CLDN10: variants seen among roughly 807,000 people sequenced by gnomAD.
CLDN10 encodes the protein claudin-10.
CLDN10 carries 15 observed loss-of-function variants against 22.9 expected under a neutral mutation model. The ratio of observed to expected loss-of-function variants is 0.65; its 90% CI spans 0.44 to 1.01. The LOEUF is 1.01. Among genes scored for constraint, CLDN10 ranks in the 50% least tolerant of loss-of-function variants. The probability of loss-of-function intolerance (pLI) is 0.00; values close to 1 mark genes in which losing one functional copy is unlikely to be tolerated. For missense variants in CLDN10, 247 were observed against 287.8 expected, an observed-to-expected ratio of 0.86 and a Z score of 1.03; for synonymous variants, 114 against 111.4, an observed-to-expected ratio of 1.02 and a Z score of -0.15.
intron 1 of CLDN10, among the ~76,000 whole-genome samples, chr13:95,524,660 TG>T (rs1464686653): frequency 2.0e-5 from 3 of 152,134 alleles, no homozygotes; most frequent in African/African-American, 7.2e-5. Context: ...TCAATTACCT[TG>T]GATATATACC....
At chr13:95,504,066 C>G (rs1277422011) in intron 1 of CLDN10, among the ~76,000 whole-genome samples, 1 of 152,138 alleles carries the variant, frequency 6.6e-6, no homozygotes, top group African/African-American at 2.4e-5. Flanking sequence ...AAAATGCACA[C>G]CTTAAAATAT....
At chr13:95,475,557 G>A (rs1184164126) in intron 1 of CLDN10, among the ~76,000 whole-genome samples, 3 of 152,230 alleles carry the variant, frequency 2.0e-5, no homozygotes, top group Admixed American at 2.0e-4. Flanking sequence ...CCAAGGGAGG[G>A]AAGTGGCCAG....
intron 1 of CLDN10, among the ~76,000 whole-genome samples, chr13:95,556,293 G>T (rs1459166090): frequency 1.3e-5 from 2 of 152,054 alleles, no homozygotes; most frequent in Non-Finnish European, 2.9e-5. Context: ...TGATCTGCCC[G>T]CCTCTGCCTC....
chr13:95,442,593 C>T (rs1431310318), intron 1 of CLDN10, among the ~76,000 whole-genome samples: 5 of 152,176 alleles, frequency 3.3e-5, no homozygotes, highest in Admixed American at 2.0e-4. Flanking sequence ...GGAGAAAAGG[C>T]CCCCTTTGGG....
At chr13:95,513,696 C>T (rs1594578410) in intron 1 of CLDN10, among the ~76,000 whole-genome samples, 1 of 142,046 alleles carries the variant, frequency 7.0e-6, no homozygotes, top group African/African-American at 2.5e-5. Context: ...TTCATAGATA[C>T]ATATTGGATA....
At chr13:95,469,264 TG>T (rs756814101) in intron 1 of CLDN10, among the ~76,000 whole-genome samples, 50 of 152,316 alleles carry the variant, frequency 3.3e-4, no homozygotes, top group Non-Finnish European at 6.0e-4. Flanking sequence ...GCAGAAATGA[TG>T]TGCCATGGAG....
At chr13:95,448,303 C>T (rs1200861918) in intron 1 of CLDN10, among the ~76,000 whole-genome samples, 1 of 151,966 alleles carries the variant, frequency 6.6e-6, no homozygotes, top group African/African-American at 2.4e-5. Context: ...CAGCCATTTG[C>T]CATGCAATCA....
intron 1 of CLDN10, among the ~76,000 whole-genome samples, chr13:95,481,355 C>A (rs756020438): frequency 2.0e-5 from 3 of 152,222 alleles, no homozygotes; most frequent in Non-Finnish European, 4.4e-5. Flanking sequence ...ATTTCTCCAA[C>A]ATTCATGGGA....
At chr13:95,444,925 A>T (rs897016334) in intron 1 of CLDN10, among the ~76,000 whole-genome samples, 1 of 152,140 alleles carries the variant, frequency 6.6e-6, no homozygotes, top group Admixed American at 6.5e-5. Flanking sequence ...ACAGATGTGC[A>T]TCACCATTCC....
At chr13:95,490,376 T>C (rs990934602) in intron 1 of CLDN10, among the ~76,000 whole-genome samples, 1 of 152,204 alleles carries the variant, frequency 6.6e-6, no homozygotes, top group Non-Finnish European at 1.5e-5. Flanking sequence ...CATTTGTTTG[T>C]GTCATCTATG....
At chr13:95,508,015 G>A (rs1248769987) in intron 1 of CLDN10, among the ~76,000 whole-genome samples, 2 of 152,130 alleles carry the variant, frequency 1.3e-5, no homozygotes, top group African/African-American at 4.8e-5. Flanking sequence ...TTGAGCCCAG[G>A]AGGTGGAGGC....
chr13:95,494,311 C>T (rs2042905627), intron 1 of CLDN10, among the ~76,000 whole-genome samples: 1 of 152,124 alleles, frequency 6.6e-6, no homozygotes, highest in Non-Finnish European at 1.5e-5. Flanking sequence ...TTGCTAAATC[C>T]AGTTGGTATT....
chr13:95,499,783 G>A (rs949124639), intron 1 of CLDN10, among the ~76,000 whole-genome samples: 3 of 152,178 alleles, frequency 2.0e-5, no homozygotes, highest in African/African-American at 2.4e-5. Context: ...AGCCTGACAC[G>A]TTGGGAAGGG....
At chr13:95,480,831 T>C (rs1168458523) in intron 1 of CLDN10, among the ~76,000 whole-genome samples, 1 of 152,222 alleles carries the variant, frequency 6.6e-6, no homozygotes, top group African/African-American at 2.4e-5. Flanking sequence ...TAAGCTATGT[T>C]GAAATACTTA....
At chr13:95,521,999 A>G (rs572932362) in intron 1 of CLDN10, among the ~76,000 whole-genome samples, 77 of 152,136 alleles carry the variant, frequency 5.1e-4, no homozygotes, top group African/African-American at 1.7e-3. Flanking sequence ...TGCAGGATCT[A>G]CACTGATGCC....
intron 1 of CLDN10, among the ~76,000 whole-genome samples, chr13:95,526,449 A>T (rs1327788559): frequency 6.6e-6 from 1 of 152,168 alleles, no homozygotes; most frequent in Admixed American, 6.5e-5. Context: ...CTTCAATGTC[A>T]GTATCTTTAA....
chr13:95,492,450 G>A (rs4409957), intron 1 of CLDN10, among the ~76,000 whole-genome samples: 69,531 of 151,664 alleles, frequency 0.46, 16,713 homozygotes, highest in Non-Finnish European at 0.52. Flanking sequence ...AGTTGGGGAA[G>A]GCTGGCAATC....
intron 1 of CLDN10, among the ~76,000 whole-genome samples, chr13:95,507,895 T>G (rs1402944720): frequency 6.6e-6 from 1 of 152,038 alleles, no homozygotes; most frequent in Non-Finnish European, 1.5e-5. Flanking sequence ...AGTGCTGGGA[T>G]TACAGGTGTG....
intron 1 of CLDN10, among the ~76,000 whole-genome samples, chr13:95,515,180 T>TTTGTTGTTG (rs146017884): frequency 6.6e-6 from 1 of 150,616 alleles, no homozygotes; most frequent in Non-Finnish European, 1.5e-5. Context: ...GCTAATTACG[T>TTTGTTGTTG]TTGTTGTTGT....
Sources: allele counts gnomAD v4.1 joint callset (sites outside exome capture counted in the v4.1 genomes callset), GRCh38; gene constraint gnomAD v4.1.1; transcripts MANE v1.5; gene names NCBI Gene and HGNC (gene_info 2026-07-23, HGNC 2026-07-21).